Variants in E2F5 observed in about 807,000 individuals in gnomAD.
E2F5 encodes the protein E2F transcription factor 5.
In E2F5, 23 loss-of-function variants were observed where a neutral mutation model predicts 39.1. The ratio of observed to expected loss-of-function variants is 0.59; its 90% CI spans 0.42 to 0.83. The LOEUF (loss-of-function observed/expected upper bound fraction) is 0.83. Ranked by LOEUF, E2F5 falls within the 40% of genes least tolerant of loss-of-function variation. The pLI, the probability that E2F5 is intolerant of heterozygous loss-of-function variation, is 0.00. For synonymous variants in E2F5, 145 were observed against 157.8 expected (o/e 0.92, Z 0.61); for missense variants, 365 against 406.7 (o/e 0.90, Z 0.88).
chr8:85,209,278 A>G lies in E2F5; in HGVS notation c.752A>G (p.Gln251Arg), dbSNP rs1265716954. Residue 251 changes from glutamine to arginine, a missense_variant, in exon 6 of 8, where the codon CAG becomes CGG. Coordinates refer to ENST00000416274, the MANE Select transcript of E2F5 (RefSeq NM_001951.4). ...GTTCCCCCACCTGATGACCTCACAC[A>G]GCCTTCCTCCCAGTCCTTGACTCCA... ...FPVPPPDDLT[Q>R]PSSQSLTPVT... 2 of 1,613,898 alleles carry G rather than the reference A, an allele frequency of 1.2e-6. No individual in the cohort carries two copies. The highest frequency in any genetic ancestry group is 3.3e-5 in the Admixed American group (2 of 59,990).
At chr8:85,198,379 C>G (rs4150921) in intron 1 of E2F5, among the ~76,000 whole-genome samples, 1 of 152,080 alleles carries the variant, frequency 6.6e-6, no homozygotes, top group Admixed American at 6.6e-5. Context: ...CCCACAGTTC[C>G]CTAAAAATAT....
At chr8:85,204,375 G>A (rs1812757223) in intron 3 of E2F5, among the ~76,000 whole-genome samples, 1 of 152,010 alleles carries the variant, frequency 6.6e-6, no homozygotes, top group African/African-American at 2.4e-5. Flanking sequence ...AACAGCATGG[G>A]CTCATGTCCT....
At position 85,177,582 on chromosome 8, in the gene E2F5, C is replaced by G. The variant is rs1812112484; in HGVS notation, c.162C>G (p.Ser54Arg). The change falls in exon 1 of 8, where the codon AGC becomes AGG. Residue 54 changes from serine (S) to arginine (R), a missense_variant. Coordinates refer to ENST00000416274, the MANE Select transcript of E2F5 (RefSeq NM_001951.4). ...AGGGSSRHEKSLGLLTTKFVS... is the reference protein window; with the variant it reads ...AGGGSSRHEKRLGLLTTKFVS... ...GCGGCAGCAGCAGGCACGAGAAGAGCCTGGGGCTGCTCACTACCAAGTTCG... is the reference window on the plus strand; with the variant it reads ...GCGGCAGCAGCAGGCACGAGAAGAGGCTGGGGCTGCTCACTACCAAGTTCG... The G allele has an allele frequency of 1.6e-6, 2 of 1,289,812 alleles. No homozygotes were observed. The allele number at this position is 1,289,812 out of a possible 1,614,324, so 79.9% of individuals were successfully genotyped here. A position where few individuals can be genotyped will look rare whatever the true frequency, so the allele number is the denominator to read the frequency against.
chr8:85,180,298 G>C lies in E2F5; in HGVS notation c.234+2644G>C, dbSNP rs112992993. ...AGCCTCCCAGAGTGCTGGGATTACA[G>C]GCGTGAGCCACCATACCCAGCCCAT... On this transcript the variant is annotated intron_variant, in intron 1 of 7. Transcript: ENST00000416274. Among the ~76,000 whole-genome samples, 782 of 151,630 alleles carry C rather than the reference G, an allele frequency of 5.2e-3. 10 individuals carry two copies. The highest frequency in any genetic ancestry group is 0.018 in the African/African-American group (739 of 41,344).
chr8:85,210,245 G>A (rs1179192427), intron 6 of E2F5, among the ~76,000 whole-genome samples: 1 of 152,148 alleles, frequency 6.6e-6, no homozygotes, highest in African/African-American at 2.4e-5. Flanking sequence ...TTGCTAAAAT[G>A]GGATTTCACA....
intron 1 of E2F5, among the ~76,000 whole-genome samples, chr8:85,194,651 C>T (rs1812542362): frequency 1.3e-5 from 2 of 150,308 alleles, no homozygotes; most frequent in South Asian, 2.1e-4. Flanking sequence ...TCTCCTGCCT[C>T]AGCCTCCCAA....
chr8:85,182,144 T>A (rs1812233428), intron 1 of E2F5, among the ~76,000 whole-genome samples: 1 of 152,242 alleles, frequency 6.6e-6, no homozygotes, highest in African/African-American at 2.4e-5. Flanking sequence ...GGATAGTTAT[T>A]ATTTCTTTAT....
chr8:85,193,929 T>G (rs1047354770), intron 1 of E2F5, among the ~76,000 whole-genome samples: 2 of 152,230 alleles, frequency 1.3e-5, no homozygotes, highest in African/African-American at 4.8e-5. Context: ...TATGAATTCA[T>G]GTATAAGCCT....
Position 85,214,103 on chromosome 8 carries a change from T to C in E2F5, c.*241T>C. Reference sequence around the variant, plus strand: ...ACGTCCCCACTCCCAAAAGTAACTATATTCTGGATTTCAACTTTTCTTCTA... The same window carrying C: ...ACGTCCCCACTCCCAAAAGTAACTACATTCTGGATTTCAACTTTTCTTCTA... On this transcript the variant is annotated 3_prime_UTR_variant, in exon 8 of 8. Coordinates refer to ENST00000416274, the MANE Select transcript of E2F5 (RefSeq NM_001951.4). 2 of 577,780 alleles carry C rather than the reference T, an allele frequency of 3.5e-6. No individual in the cohort carries two copies. The highest frequency in any genetic ancestry group is 3.8e-5 in the East Asian group (1 of 26,190). 35.8% of individuals were successfully genotyped at this position (577,780 alleles called of 1,614,324 possible).
chr8:85,181,731 G>A (rs1193114336), intron 1 of E2F5, among the ~76,000 whole-genome samples: 2 of 150,826 alleles, frequency 1.3e-5, no homozygotes, highest in Non-Finnish European at 3.0e-5. Context: ...AGGCCGAGGC[G>A]GGCAGATCAC....
chr8:85,181,763 C>T (rs1392827794), intron 1 of E2F5, among the ~76,000 whole-genome samples: 3 of 151,162 alleles, frequency 2.0e-5, no homozygotes, highest in African/African-American at 7.3e-5. Flanking sequence ...AGTTCGAGAC[C>T]AGCCTGCCCA....
chr8:85,180,810 A>T lies in E2F5; in HGVS notation c.234+3156A>T, dbSNP rs867017365. ...TAGCCAGGATGGTCTCGATCTTCTG[A>T]CCTCGTGATCCGCCCGCCTCGGCCT... On this transcript the variant is annotated intron_variant, in intron 1 of 7. Coordinates refer to ENST00000416274, the MANE Select transcript of E2F5 (RefSeq NM_001951.4). 2.7e-5 allele frequency among the ~76,000 whole-genome samples: 4 copies of T among 150,290 alleles called. No individual in the cohort carries two copies. In the South Asian group the frequency reaches 6.3e-4, roughly 24 times the overall value.
At chr8:85,197,027 G>A (rs1812596104) in intron 1 of E2F5, among the ~76,000 whole-genome samples, 1 of 152,004 alleles carries the variant, frequency 6.6e-6, no homozygotes, top group Non-Finnish European at 1.5e-5. Context: ...GCATCAGTTG[G>A]GGGCCTTCCC....
chr8:85,198,412 T>C (rs1812626081), intron 1 of E2F5, among the ~76,000 whole-genome samples: 1 of 152,172 alleles, frequency 6.6e-6, no homozygotes, highest in South Asian at 2.1e-4. Context: ...TCTTACCTCT[T>C]TGCAGCAGAA....
intron 1 of E2F5, among the ~76,000 whole-genome samples, chr8:85,195,382 C>CA (rs1242525347): frequency 2.0e-5 from 3 of 150,898 alleles, no homozygotes; most frequent in East Asian, 1.9e-4. Flanking sequence ...GACTCTGTCT[C>CA]AAAAAAAAGA....
Position 85,214,473 on chromosome 8 carries a change from G to T in E2F5, c.*611G>T. The T allele has an allele frequency of 2.2e-6, 2 of 917,766 alleles. No individual in the cohort carries two copies. The highest frequency in any genetic ancestry group is 3.5e-6 in the Non-Finnish European group (2 of 566,430). 56.9% of individuals were successfully genotyped at this position (917,766 alleles called of 1,614,324 possible). A position where few individuals can be genotyped will look rare whatever the true frequency, so the allele number is the denominator to read the frequency against. Reference sequence around the variant, plus strand: ...TTGTTTTTAAAATGTGCCAATGCCTGTACATTAACAAGATTTTTAAAAATA... The same window carrying T: ...TTGTTTTTAAAATGTGCCAATGCCTTTACATTAACAAGATTTTTAAAAATA... On this transcript the variant is annotated 3_prime_UTR_variant, in exon 8 of 8. Transcript: ENST00000416274.
intron 2 of E2F5, among the ~76,000 whole-genome samples, chr8:85,202,609 T>C (rs188791453): frequency 1.1e-3 from 170 of 152,368 alleles, no homozygotes; most frequent in Non-Finnish European, 1.1e-3. Flanking sequence ...TAGTAATTAA[T>C]TGAAACGCAT....
intron 5 of E2F5, among the ~76,000 whole-genome samples, chr8:85,208,784 T>G (rs1389379146): frequency 6.6e-6 from 1 of 152,196 alleles, no homozygotes; most frequent in African/African-American, 2.4e-5. Context: ...TGACCAGATC[T>G]GTGGTGGCCA....
Position 85,213,809 on chromosome 8 carries a change from G to C in E2F5, c.988G>C (p.Asp330His). Residue 330 changes from aspartate to histidine, a missense_variant, in exon 8 of 8, where the codon GAT becomes CAT. Physicochemically the swap from Asp to His is moderately conservative, Grantham distance 81. Coordinates refer to ENST00000416274, the MANE Select transcript of E2F5 (RefSeq NM_001951.4). ...TPADDYNFNL[D>H]DNEGVCDLFD... is the part of the protein sequence containing the mutation. ...GGCAGATGACTACAACTTTAATTTA[G>C]ATGATAACGAAGGAGTTTGTGATCT... is the stretch of plus-strand genomic sequence containing the variant. 1 of 1,613,294 alleles carries C rather than the reference G, an allele frequency of 6.2e-7. No homozygotes were observed. The highest frequency in any genetic ancestry group is 8.5e-7 in the Non-Finnish European group (1 of 1,179,562).
Sources: allele counts gnomAD v4.1 joint callset (sites outside exome capture counted in the v4.1 genomes callset), GRCh38; gene constraint gnomAD v4.1.1; transcripts MANE v1.5; gene names NCBI Gene and HGNC (gene_info 2026-07-23, HGNC 2026-07-21).